Variants in SCARA3 observed in about 807,000 individuals in gnomAD.
The protein encoded by SCARA3 is scavenger receptor class A member 3.
Under a neutral mutation model 47.0 loss-of-function variants are expected in SCARA3, and 39 were observed. The observed-to-expected ratio is 0.83, with a 90% confidence interval of 0.64 to 1.08. The LOEUF (loss-of-function observed/expected upper bound fraction) is 1.08. Ranked by LOEUF, SCARA3 falls within the 50% of genes least tolerant of loss-of-function variation. SCARA3 has a pLI of 0.00. For synonymous variants in SCARA3, 356 were observed against 334.1 expected, an observed-to-expected ratio of 1.07 and a Z score of -0.71; for missense variants, 724 against 792.3, an observed-to-expected ratio of 0.91 and a Z score of 1.04.
chr8:27,675,287 A>G (rs1474247780), downstream of SCARA3, among the ~76,000 whole-genome samples: 1 of 152,168 alleles, frequency 6.6e-6, no homozygotes, highest in Non-Finnish European at 1.5e-5. Context: ...GGGAGAGGAG[A>G]GCAGAGAGCT....
chr8:27,690,306 G>GA, the SCARA3 span, among the ~76,000 whole-genome samples: 6 of 151,450 alleles, frequency 4.0e-5, no homozygotes, highest in African/African-American at 1.5e-4. Flanking sequence ...AAAGAAGGGG[G>GA]CAAATATTCT....
chr8:27,658,456 G>A (rs1247017251), intron 4 of SCARA3, 40 bp from the exon 5 acceptor site: 2 of 1,518,426 alleles, frequency 1.3e-6, no homozygotes, highest in East Asian at 4.5e-5. Flanking sequence ...TCGTACCCTG[G>A]CCCTTCAGCA....
At chr8:27,634,817 C>T (rs1423081935) in intron 1 of SCARA3, among the ~76,000 whole-genome samples, 4 of 152,188 alleles carry the variant, frequency 2.6e-5, no homozygotes, top group Admixed American at 2.0e-4. Flanking sequence ...GAGCCAGCAG[C>T]AGGGTGGCCC....
At chr8:27,723,766 C>T in the SCARA3 span, among the ~76,000 whole-genome samples, 320 of 152,300 alleles carry the variant, frequency 2.1e-3, 2 homozygotes, top group African/African-American at 7.2e-3. Context: ...GACAGAGTCT[C>T]GCTCTGTCTC....
At chr8:27,711,900 A>G in the SCARA3 span, among the ~76,000 whole-genome samples, 1 of 152,096 alleles carries the variant, frequency 6.6e-6, no homozygotes, top group Non-Finnish European at 1.5e-5. Flanking sequence ...TGATAAACCA[A>G]TACTGACACA....
chr8:27,722,374 G>GAGC, the SCARA3 span, among the ~76,000 whole-genome samples: 4 of 152,222 alleles, frequency 2.6e-5, no homozygotes, highest in Admixed American at 2.6e-4. Flanking sequence ...TGCCCACAGA[G>GAGC]AGCTCATGGT....
chr8:27,663,742 A>C (rs1801960260), intron 5 of SCARA3, among the ~76,000 whole-genome samples: 1 of 152,134 alleles, frequency 6.6e-6, no homozygotes, highest in South Asian at 2.1e-4. Flanking sequence ...GGGCCTGCCA[A>C]GGGCTCCACA....
In SCARA3 at chr8:27,656,820, T is replaced by C; in HGVS notation, c.265T>C (p.Leu89=). 6.2e-7 allele frequency: 1 copy of C among 1,613,424 alleles called. No homozygotes were observed. The highest frequency in any genetic ancestry group is 8.5e-7 in the Non-Finnish European group (1 of 1,179,300). ...KVDSLSEDIS[L]TQSIYDKKLV... ...GGACTCTCTCTCCGAAGACATCTCCTTGACCCAGTCTATTTATGACAAGAA... is the reference window on the plus strand; with the variant it reads ...GGACTCTCTCTCCGAAGACATCTCCCTGACCCAGTCTATTTATGACAAGAA... Residue 89 remains leucine, a synonymous_variant, in exon 4 of 6, where the codon TTG becomes CTG. Coordinates refer to ENST00000301904, the MANE Select transcript of SCARA3 (RefSeq NM_016240.3).
Position 27,649,689 on chromosome 8 carries a change from G to A in SCARA3, c.8-13G>A, listed in dbSNP as rs1243184773. 1 of 1,613,366 alleles carries A rather than the reference G, an allele frequency of 6.2e-7. No homozygotes were observed. Among genetic ancestry groups the A allele is most frequent in the Non-Finnish European group, 8.5e-7 (1 of 1,179,652 alleles). ...GGATGGCTTTGGGTCTGACGGCACT[G>A]GCTTCATTATAGTGAGGTCGGCCGG... On this transcript the variant is annotated splice_polypyrimidine_tract_variant and intron_variant, in intron 1 of 5. Coordinates refer to ENST00000301904, the MANE Select transcript of SCARA3 (RefSeq NM_016240.3).
Position 27,646,212 on chromosome 8 carries a change from C to T in SCARA3, c.8-3490C>T, listed in dbSNP as rs373337198. On this transcript the variant is annotated intron_variant, in intron 1 of 5. Transcript: ENST00000301904. Reference sequence around the variant, plus strand: ...AGTGGAGGGAAGATGGCCAAACACCCGTGGTCCCCCTAGTCTAGAGAGATC... The same window carrying T: ...AGTGGAGGGAAGATGGCCAAACACCTGTGGTCCCCCTAGTCTAGAGAGATC... 7.9e-5 allele frequency among the ~76,000 whole-genome samples: 12 copies of T among 152,248 alleles called. No homozygotes were observed. The East Asian group carries it at 1.5e-3, about 20-fold the overall frequency.
At chr8:27,659,655 T>C (rs1563409633) in intron 5 of SCARA3, 116 bp downstream of exon 5, 1 of 830,566 alleles carries the variant, frequency 1.2e-6, no homozygotes, top group South Asian at 1.8e-5. Flanking sequence ...CACAATCCTA[T>C]AGCAAATGCC....
chr8:27,700,349 A>C, the SCARA3 span, among the ~76,000 whole-genome samples: 1 of 152,094 alleles, frequency 6.6e-6, no homozygotes, highest in African/African-American at 2.4e-5. Flanking sequence ...AAAATGGATG[A>C]AAGTCCCAGC....
intron 5 of SCARA3, among the ~76,000 whole-genome samples, chr8:27,664,303 T>C (rs1801971055): frequency 6.6e-6 from 1 of 152,230 alleles, no homozygotes; most frequent in Non-Finnish European, 1.5e-5. Flanking sequence ...AAAGGCAATT[T>C]AAAGCTTTCC....
intron 1 of SCARA3, among the ~76,000 whole-genome samples, 174 bp downstream of exon 1, chr8:27,634,381 G>C (rs962402035): frequency 1.3e-5 from 2 of 152,152 alleles, no homozygotes; most frequent in Non-Finnish European, 2.9e-5. Context: ...CTGAAGACCA[G>C]AGGAAGCAAA....
At chr8:27,726,723 A>C in the SCARA3 span, among the ~76,000 whole-genome samples, 1 of 151,238 alleles carries the variant, frequency 6.6e-6, no homozygotes, top group African/African-American at 2.5e-5. Flanking sequence ...AAATAAAAAC[A>C]GTTTATTCTG....
chr8:27,717,959 ACCTCCCCAGACTC>A, the SCARA3 span, among the ~76,000 whole-genome samples: 1 of 151,134 alleles, frequency 6.6e-6, no homozygotes, highest in Non-Finnish European at 1.5e-5. Flanking sequence ...TCTCAATCCT[ACCTCCCCAGACTC>A]CCAGGTGGTA....
At chr8:27,707,145 TC>T in the SCARA3 span, among the ~76,000 whole-genome samples, 1 of 152,200 alleles carries the variant, frequency 6.6e-6, no homozygotes, top group Admixed American at 6.5e-5. Context: ...TCCAGCCCCT[TC>T]CTTTTGTCCT....
rs1802141159 is a variant in SCARA3, at chr8:27,671,095, A to G, written c.1565A>G (p.Lys522Arg). 1 of 1,606,148 alleles carries G rather than the reference A, an allele frequency of 6.2e-7. No individual in the cohort carries two copies. The change falls in exon 6 of 6, where the codon AAA (lysine) becomes AGA (arginine). Residue 522 changes from lysine to arginine, a missense_variant. Transcript: ENST00000301904. ...PVGPRGFPGL[K>R]GSKGSFGTGG... is the part of the protein sequence containing the mutation. ...GGCCCTCGAGGGTTCCCAGGCCTCA[A>G]AGGCTCAAAGGGCAGCTTTGGAACT...
chr8:27,637,211 C>T (rs907416043), intron 1 of SCARA3, among the ~76,000 whole-genome samples: 14 of 152,242 alleles, frequency 9.2e-5, no homozygotes, highest in African/African-American at 3.1e-4. Flanking sequence ...TCCTGCCCCA[C>T]GGCCAGCTGA....
Sources: gnomAD v4.1 joint callset for allele counts (sites outside exome capture counted in the v4.1 genomes callset) on GRCh38, gnomAD v4.1.1 for gene constraint, MANE v1.5 for transcripts, NCBI Gene and HGNC (gene_info 2026-07-23, HGNC 2026-07-21) for gene names.